PIP5K1B: variants seen among roughly 807,000 people sequenced by gnomAD.
PIP5K1B encodes the protein phosphatidylinositol 4-phosphate 5-kinase type-1 beta.
In PIP5K1B, 42 loss-of-function variants were observed where a neutral mutation model predicts 67.0. The ratio of observed to expected loss-of-function variants is 0.63; its 90% CI spans 0.49 to 0.81. The LOEUF (loss-of-function observed/expected upper bound fraction) is 0.81, where lower values mean the gene tolerates loss of function less well. Among genes scored for constraint, PIP5K1B ranks in the 30% least tolerant of loss-of-function variants. The probability of loss-of-function intolerance (pLI) is 0.00; values close to 1 mark genes in which losing one functional copy is unlikely to be tolerated. For synonymous variants in PIP5K1B, 214 were observed against 231.4 expected, an observed-to-expected ratio of 0.92 and a Z score of 0.68; for missense variants, 459 against 646.3, an observed-to-expected ratio of 0.71 and a Z score of 3.14.
intron 4 of PIP5K1B, among the ~76,000 whole-genome samples, chr9:68,837,313 T>TC (rs1209799532): frequency 6.6e-6 from 1 of 152,064 alleles, no homozygotes; most frequent in Non-Finnish European, 1.5e-5. Context: ...ATCTTAGACG[T>TC]CCCCCCGCTA....
chr9:68,713,285 G>A (rs1827479901), intron 1 of PIP5K1B, among the ~76,000 whole-genome samples: 1 of 152,188 alleles, frequency 6.6e-6, no homozygotes. Context: ...TGTAATCCCA[G>A]CTACTTGGGA....
intron 12 of PIP5K1B, among the ~76,000 whole-genome samples, chr9:68,924,862 T>A (rs1564239208): frequency 6.6e-6 from 1 of 151,064 alleles, no homozygotes; most frequent in Non-Finnish European, 1.5e-5. Context: ...GAAAAAAAAA[T>A]GAAAATTCTT....
At chr9:68,746,915 C>T (rs2132335391) in intron 2 of PIP5K1B, among the ~76,000 whole-genome samples, 1 of 152,316 alleles carries the variant, frequency 6.6e-6, no homozygotes. Flanking sequence ...CCAAAGTTGT[C>T]ATAGCCTCCC....
At chr9:68,991,945 C>T (rs1250832516) in intron 15 of PIP5K1B, among the ~76,000 whole-genome samples, 2 of 151,768 alleles carry the variant, frequency 1.3e-5, no homozygotes, top group Non-Finnish European at 2.9e-5. Context: ...TATGCTACGT[C>T]TTTGTATGCC....
chr9:68,761,897 G>A (rs1024221356), intron 2 of PIP5K1B, among the ~76,000 whole-genome samples: 45 of 152,024 alleles, frequency 3.0e-4, no homozygotes, highest in Admixed American at 1.0e-3. Flanking sequence ...GTAAGGATGT[G>A]GACATCTTTT....
At chr9:68,713,069 G>A (rs1029690791) in intron 1 of PIP5K1B, among the ~76,000 whole-genome samples, 2 of 152,192 alleles carry the variant, frequency 1.3e-5, no homozygotes, top group African/African-American at 4.8e-5. Context: ...GCAGTCCTTA[G>A]ACCAACAGAG....
chr9:68,842,671 G>A (rs1177332938), intron 4 of PIP5K1B, among the ~76,000 whole-genome samples: 1 of 152,194 alleles, frequency 6.6e-6, no homozygotes, highest in Non-Finnish European at 1.5e-5. Flanking sequence ...CTGTCTGCAG[G>A]TATTTTTGGT....
At chr9:68,961,706 C>T (rs1468953061) in intron 14 of PIP5K1B, among the ~76,000 whole-genome samples, 1 of 152,146 alleles carries the variant, frequency 6.6e-6, no homozygotes, top group African/African-American at 2.4e-5. Context: ...GGGGAAGAGA[C>T]CGTCTCTGAA....
intron 7 of PIP5K1B, among the ~76,000 whole-genome samples, chr9:68,892,033 A>G (rs1359315165): frequency 6.6e-6 from 1 of 152,202 alleles, no homozygotes; most frequent in Non-Finnish European, 1.5e-5. Flanking sequence ...AATCTATAAA[A>G]ACAAATGTTA....
intron 1 of PIP5K1B, among the ~76,000 whole-genome samples, chr9:68,714,715 C>A (rs569922458): frequency 6.6e-6 from 1 of 152,264 alleles, no homozygotes; most frequent in South Asian, 2.1e-4. Context: ...AGCTTTCTAC[C>A]CTGATGTTTT....
chr9:69,006,298 C>G (rs76794160), intron 15 of PIP5K1B, among the ~76,000 whole-genome samples: 7,196 of 152,230 alleles, frequency 0.047, 237 homozygotes, highest in Middle Eastern at 0.092. Context: ...AGATGGCATG[C>G]TGGGCCCTTG....
intron 13 of PIP5K1B, chr9:68,936,084 AT>A (rs1275783635): frequency 3.9e-5 from 6 of 152,012 alleles, no homozygotes; most frequent in African/African-American, 1.2e-4. Context: ...ATTGATATAG[AT>A]TTTTTTCTGG....
chr9:68,918,037 A>G (rs1018324299), intron 9 of PIP5K1B, among the ~76,000 whole-genome samples: 1 of 152,066 alleles, frequency 6.6e-6, no homozygotes, highest in African/African-American at 2.4e-5. Flanking sequence ...AACATTCACC[A>G]CAAGAGGAAG....
At chr9:68,924,991 G>A (rs1826613308) in intron 12 of PIP5K1B, among the ~76,000 whole-genome samples, 1 of 152,002 alleles carries the variant, frequency 6.6e-6, no homozygotes, top group African/African-American at 2.4e-5. Context: ...ACAATTTTAG[G>A]TATAGTCCTC....
At chr9:68,795,715 A>G (rs1036042775) in intron 2 of PIP5K1B, among the ~76,000 whole-genome samples, 20 of 152,324 alleles carry the variant, frequency 1.3e-4, no homozygotes, top group Non-Finnish European at 2.6e-4. Flanking sequence ...TTGATGGTAT[A>G]TAGGAAGTCA....
chr9:68,725,258 G>A (rs1386893330), intron 1 of PIP5K1B, among the ~76,000 whole-genome samples: 4 of 152,074 alleles, frequency 2.6e-5, no homozygotes, highest in South Asian at 4.1e-4. Flanking sequence ...CAAGAAACAC[G>A]GATTCTGTCT....
chr9:68,819,921 T>A (rs1380191314), intron 3 of PIP5K1B, among the ~76,000 whole-genome samples: 2 of 151,566 alleles, frequency 1.3e-5, no homozygotes, highest in African/African-American at 2.4e-5. Context: ...GGAAGTGTTT[T>A]AAAAAAAAAT....
intron 2 of PIP5K1B, among the ~76,000 whole-genome samples, chr9:68,770,648 T>G (rs956584741): frequency 6.6e-6 from 1 of 152,146 alleles, no homozygotes; most frequent in African/African-American, 2.4e-5. Flanking sequence ...TAGATTCTCA[T>G]AGAAGCGCAA....
intron 14 of PIP5K1B, among the ~76,000 whole-genome samples, chr9:68,956,197 A>G (rs557029711): frequency 1.2e-4 from 19 of 152,334 alleles, no homozygotes; most frequent in African/African-American, 4.1e-4. Context: ...TAGGCCGGGC[A>G]AGGTGGCTCA....
Sources: allele counts gnomAD v4.1 joint callset (sites outside exome capture counted in the v4.1 genomes callset), GRCh38; gene constraint gnomAD v4.1.1; transcripts MANE v1.5; gene names NCBI Gene and HGNC (gene_info 2026-07-23, HGNC 2026-07-21).